ABCA4: variants seen among roughly 807,000 people sequenced by gnomAD.
ABCA4 encodes retinal-specific phospholipid-transporting ATPase ABCA4.
In ABCA4, 196 loss-of-function variants were observed where a neutral mutation model predicts 263.7. The observed-to-expected ratio is 0.74, with a 90% CI of 0.66 to 0.84. The LOEUF (loss-of-function observed/expected upper bound fraction) is 0.84. Ranked by LOEUF, ABCA4 falls within the 40% of genes least tolerant of loss-of-function variation. ABCA4 has a pLI of 0.00. For synonymous variants in ABCA4, 1,133 were observed against 1,094.2 expected (o/e 1.04, Z -0.70); for missense variants, 2,792 against 2,855.1 (o/e 0.98, Z 0.50).
intron 6 of ABCA4, among the ~76,000 whole-genome samples, chr1:94,094,991 G>A (rs1662083865): frequency 6.6e-6 from 1 of 152,240 alleles, no homozygotes; most frequent in East Asian, 1.9e-4. Context: ...TCCTTCAGGT[G>A]AAACCAAGAG....
chr1:94,059,762 A>G (rs1304365548), intron 14 of ABCA4: 1 of 152,454 alleles, frequency 6.6e-6, no homozygotes, highest in African/African-American at 2.4e-5. Context: ...AATAAAATAT[A>G]AAAAATGACC....
chr1:94,046,176 C>T (rs1000249870), intron 19 of ABCA4, among the ~76,000 whole-genome samples: 4 of 151,456 alleles, frequency 2.6e-5, no homozygotes, highest in African/African-American at 2.4e-5. Flanking sequence ...GGTGCGGTCG[C>T]TCACGCCTGT....
chr1:94,063,292 C>T lies in ABCA4; in HGVS notation c.1580G>A (p.Ser527Asn), dbSNP rs1484756902. 9 of 1,614,130 alleles carry T rather than the reference C, an allele frequency of 5.6e-6. No individual in the cohort carries two copies. Among genetic ancestry groups the T allele is most frequent in the Non-Finnish European group, 7.6e-6 (9 of 1,180,028 alleles). Residue 527 changes from serine (S) to asparagine (N), a missense_variant, in exon 12 of 50, where the codon AGC becomes AAC. Ser to Asn is a conservative substitution (Grantham distance 46, BLOSUM62 1). Coordinates refer to ENST00000370225, the MANE Select transcript of ABCA4 (RefSeq NM_000350.3). ...GGTGAGCTGAGTTTCATCATTGTAG[C>T]TTTCAAACTTATCCAGGACCAAGCA... Reference protein sequence around the residue: ...LECLVLDKFESYNDETQLTQR... With the variant: ...LECLVLDKFENYNDETQLTQR...
intron 29 of ABCA4, 31 bp from the exon 30 acceptor site, chr1:94,029,662 C>A (rs369242288): frequency 1.9e-6 from 3 of 1,599,512 alleles, no homozygotes. Flanking sequence ...ATTCCATAAT[C>A]AGCCTCAAAG....
Position 94,001,054 on chromosome 1 carries a change from C to G in ABCA4, c.6334G>C (p.Val2112Leu), listed in dbSNP as rs571031879. Residue 2112 changes from valine to leucine, a missense_variant, in exon 46 of 50, where the codon GTC becomes CTC. Physicochemically the swap from Val to Leu is conservative, Grantham distance 32 (BLOSUM62 1). Transcript: ENST00000370225. ...CCTTCTCTGATGATGCTCACGATGA[C>G]GTTCCACAGCATGCGGCGTGCCTGG... ...DPQARRMLWNVIVSIIREGRA... is the reference protein window; with the variant it reads ...DPQARRMLWNLIVSIIREGRA... 1.9e-5 allele frequency: 30 copies of G among 1,614,130 alleles called. No homozygotes were observed. Among genetic ancestry groups the G allele is most frequent in the Admixed American group, 6.7e-5 (4 of 60,022 alleles).
chr1:94,112,264 T>G (rs1416519235), intron 2 of ABCA4, among the ~76,000 whole-genome samples: 1 of 152,216 alleles, frequency 6.6e-6, no homozygotes, highest in Admixed American at 6.5e-5. Context: ...ATAAAATTTT[T>G]CTTCAGTACG....
intron 32 of ABCA4, 47 bp from the exon 33 acceptor site, chr1:94,021,998 G>A (rs112366568): frequency 5.8e-5 from 86 of 1,489,934 alleles, no homozygotes; most frequent in Middle Eastern, 1.7e-4. Context: ...CGAACTTCAC[G>A]CCTACTAGTA....
intron 1 of ABCA4, among the ~76,000 whole-genome samples, chr1:94,116,970 CTT>C (rs1466015867): frequency 1.5e-5 from 1 of 66,664 alleles, no homozygotes; most frequent in African/African-American, 5.7e-5. Context: ...CTTTCTTTCT[CTT>C]TCTTTCTTTC....
At chr1:94,116,672 G>A (rs905678294) in intron 1 of ABCA4, among the ~76,000 whole-genome samples, 19 of 152,104 alleles carry the variant, frequency 1.2e-4, no homozygotes, top group African/African-American at 3.9e-4. Context: ...TCTTCTGCCG[G>A]CTTCCAAAAT....
intron 6 of ABCA4, among the ~76,000 whole-genome samples, chr1:94,085,518 T>C (rs1227964695): frequency 6.6e-6 from 1 of 152,232 alleles, no homozygotes; most frequent in Non-Finnish European, 1.5e-5. Flanking sequence ...AAAATAGGCA[T>C]AGAAAAAGGA....
At chr1:94,102,904 T>A (rs1172237056) in intron 5 of ABCA4, 111 bp downstream of exon 5, 1 of 1,478,164 alleles carries the variant, frequency 6.8e-7, no homozygotes, top group Non-Finnish European at 9.4e-7. Flanking sequence ...TGATGGATTC[T>A]GAATGTGAAC....
intron 6 of ABCA4, among the ~76,000 whole-genome samples, chr1:94,091,888 G>C (rs1661979995): frequency 6.6e-6 from 1 of 152,132 alleles, no homozygotes. Flanking sequence ...TCTCTGCTTG[G>C]GTTGTCTGGG....
intron 31 of ABCA4, among the ~76,000 whole-genome samples, chr1:94,024,100 A>T (rs1440048789): frequency 6.6e-6 from 1 of 152,202 alleles, no homozygotes; most frequent in East Asian, 1.9e-4. Flanking sequence ...GTTTTGCTAA[A>T]TGCTTTCACC....
Position 94,014,631 on chromosome 1 carries a change from G to C in ABCA4, c.5372C>G (p.Ala1791Gly). 1 of 1,614,206 alleles carries C rather than the reference G, an allele frequency of 6.2e-7. No individual in the cohort carries two copies. The highest frequency in any genetic ancestry group is 8.5e-7 in the Non-Finnish European group (1 of 1,180,028). Reference sequence around the variant, plus strand: ...ATTAGCACAAGATAAAGCCACATAGGCTGTGCTGGGGACATCAAACAGGAA... The same window carrying C: ...ATTAGCACAAGATAAAGCCACATAGCCTGTGCTGGGGACATCAAACAGGAA... ...ASFLFDVPST[A>G]YVALSCANLF... The change falls in exon 38 of 50, where the codon GCC (alanine) becomes GGC (glycine). Residue 1791 changes from alanine (A) to glycine (G), a missense_variant. Ala to Gly is a moderately conservative substitution (Grantham distance 60). Coordinates refer to ENST00000370225, the MANE Select transcript of ABCA4 (RefSeq NM_000350.3).
intron 8 of ABCA4, 28 bp downstream of exon 8, chr1:94,080,450 A>G: frequency 6.2e-7 from 1 of 1,614,008 alleles, no homozygotes; most frequent in African/African-American, 1.3e-5. Flanking sequence ...TGAGAGGCCA[A>G]TTTATAAGCA....
intron 11 of ABCA4, among the ~76,000 whole-genome samples, chr1:94,069,553 C>A (rs1252364864): frequency 6.6e-6 from 1 of 152,158 alleles, no homozygotes; most frequent in African/African-American, 2.4e-5. Flanking sequence ...TGAATGCCAG[C>A]GGAGGGCTCA....
At chr1:94,084,763 T>C (rs1201606944) in intron 6 of ABCA4, among the ~76,000 whole-genome samples, 2 of 152,172 alleles carry the variant, frequency 1.3e-5, no homozygotes, top group African/African-American at 4.8e-5. Flanking sequence ...ACCGAGGCAT[T>C]TGTCTTGCCG....
At chr1:94,027,119 A>G (rs1170415849) in intron 30 of ABCA4, among the ~76,000 whole-genome samples, 1 of 152,206 alleles carries the variant, frequency 6.6e-6, no homozygotes, top group Non-Finnish European at 1.5e-5. Flanking sequence ...GCTCCTGTGC[A>G]TATGCGTGGC....
At chr1:94,035,780 G>T (rs1660317833) in intron 26 of ABCA4, among the ~76,000 whole-genome samples, 1 of 152,152 alleles carries the variant, frequency 6.6e-6, no homozygotes, top group South Asian at 2.1e-4. Flanking sequence ...TGTTTGTGTG[G>T]CAGGTAACCC....
Sources: gnomAD v4.1 joint callset for allele counts (sites outside exome capture counted in the v4.1 genomes callset) on GRCh38, gnomAD v4.1.1 for gene constraint, MANE v1.5 for transcripts, NCBI Gene and HGNC (gene_info 2026-07-23, HGNC 2026-07-21) for gene names.